The following TBX22 variants were observed in gnomAD, a reference collection of about 807,000 sequenced individuals.
TBX22 encodes the protein T-box transcription factor TBX22.
Under a neutral mutation model 30.1 loss-of-function variants are expected in TBX22, and 8 were observed. The observed-to-expected ratio is 0.27, with a 90% CI of 0.16 to 0.48. TBX22 has a LOEUF of 0.48. TBX22 is among the 20% of genes least tolerant of loss of function. TBX22 has a pLI of 0.99. For synonymous variants in TBX22, 173 were observed against 149.1 expected, an observed-to-expected ratio of 1.16 and a Z score of -1.17; for missense variants, 463 against 400.5, an observed-to-expected ratio of 1.16 and a Z score of -1.33.
chrX:80,023,224 A>C lies in TBX22; in HGVS notation c.340A>C (p.Ile114Leu). Residue 114 changes from isoleucine to leucine, a missense_variant, in exon 3 of 9, where the codon ATT (isoleucine) becomes CTT (leucine). Transcript: ENST00000373296. Reference sequence around the variant, plus strand: ...CCATGACATCGGGACTGAGATGATCATTACTAAAGCGGGCAGGTTCGGTTC... The same window carrying C: ...CCATGACATCGGGACTGAGATGATCCTTACTAAAGCGGGCAGGTTCGGTTC... ...RFHDIGTEMIITKAGRRMFPS... is the reference protein window; with the variant it reads ...RFHDIGTEMILTKAGRRMFPS... 1 of 1,211,725 alleles carries C rather than the reference A, an allele frequency of 8.3e-7. No homozygotes were observed. Among genetic ancestry groups the C allele is most frequent in the Non-Finnish European group, 1.1e-6 (1 of 895,430 alleles).
intron 3 of TBX22, 90 bp downstream of exon 3, chrX:80,023,330 G>C (rs1923816039): frequency 1.1e-6 from 1 of 885,684 alleles, no homozygotes; most frequent in African/African-American, 2.0e-5. Context: ...CCAGTTTTAT[G>C]CTCTGGTACT....
At chrX:80,024,414 TA>T (rs1217672360) in intron 4 of TBX22, among the ~76,000 whole-genome samples, 3 of 111,260 alleles carry the variant, frequency 2.7e-5, no homozygotes, top group Admixed American at 1.9e-4. Context: ...GGGCACTAAT[TA>T]GAACTCCAAA....
chrX:80,030,891 A>T lies in TBX22; in HGVS notation c.1343A>T (p.Gln448Leu), dbSNP rs1924220766. The T allele has an allele frequency of 5.0e-6, 6 of 1,210,444 alleles. No homozygotes were observed. Among genetic ancestry groups the T allele is most frequent in the Non-Finnish European group, 5.6e-6 (5 of 895,074 alleles). ...NSTNQMLYGLQSPGNIFLPNS... is the reference protein window; with the variant it reads ...NSTNQMLYGLLSPGNIFLPNS... ...ACCAATCAAATGTTATATGGATTAC[A>T]GTCACCTGGAAATATTTTTCTGCCA... Residue 448 changes from glutamine to leucine, a missense_variant, in exon 9 of 9, where the codon CAG becomes CTG. Transcript: ENST00000373296.
At chrX:80,024,536 A>ATTTTACTT (rs1923879275) in intron 4 of TBX22, among the ~76,000 whole-genome samples, 1 of 110,613 alleles carries the variant, frequency 9.0e-6, no homozygotes, top group African/African-American at 3.3e-5. Flanking sequence ...TGTGGGAGAA[A>ATTTTACTT]TCCCCAGGCT....
chrX:80,021,066 C>A (rs1923667119), intron 1 of TBX22, among the ~76,000 whole-genome samples: 1 of 109,510 alleles, frequency 9.1e-6, no homozygotes, highest in African/African-American at 3.4e-5. Context: ...CAAGTCTCTT[C>A]CTGAAAAAAA....
chrX:80,020,036 C>CA (rs1438328857), intron 1 of TBX22, among the ~76,000 whole-genome samples: 2 of 110,558 alleles, frequency 1.8e-5, no homozygotes, highest in Non-Finnish European at 3.8e-5. Context: ...TTTATTTTTA[C>CA]AAAAATCTAT....
chrX:80,025,135 C>T (rs572103973), intron 4 of TBX22, among the ~76,000 whole-genome samples: 1 of 111,828 alleles, frequency 8.9e-6, no homozygotes, highest in Non-Finnish European at 1.9e-5. Context: ...GTGTGAAAAT[C>T]GGCCAGAGGC....
intron 4 of TBX22, 76 bp downstream of exon 4, chrX:80,024,240 C>G: frequency 2.1e-6 from 2 of 952,193 alleles, no homozygotes; most frequent in South Asian, 2.0e-5. Flanking sequence ...TGAAACCTGA[C>G]AGCATGACTT....
intron 8 of TBX22, among the ~76,000 whole-genome samples, chrX:80,029,236 A>G (rs192558217): frequency 1.4e-4 from 16 of 112,307 alleles, no homozygotes; most frequent in Non-Finnish European, 2.4e-4. Flanking sequence ...GGATACGTCT[A>G]CATACACAAA....
In TBX22 at chrX:80,014,798, A is replaced by G. The variant is rs1229468486; in HGVS notation, c.-92A>G. The G allele has an allele frequency of 8.9e-6, 1 of 112,322 alleles. No individual in the cohort carries two copies. The highest frequency in any genetic ancestry group is 3.7e-4 in the South Asian group (1 of 2,716). 9.3% of individuals were successfully genotyped at this position (112,322 alleles called of 1,213,427 possible). On this transcript the variant is annotated 5_prime_UTR_variant, in exon 1 of 9. Coordinates refer to ENST00000373296, the MANE Select transcript of TBX22 (RefSeq NM_001109878.2). ...GAAGAGCTGCTGCAGGCATTTGCAG[A>G]GTGAATGAGCTCTGACTGAGACTTG...
At position 80,031,473 on chromosome X, in the gene TBX22, A is replaced by T. The variant is rs888459757; in HGVS notation, c.*362A>T. On this transcript the variant is annotated 3_prime_UTR_variant, in exon 9 of 9. Coordinates refer to ENST00000373296, the MANE Select transcript of TBX22 (RefSeq NM_001109878.2). The stretch of plus-strand genomic sequence containing the variant: ...ATTTTACACATTGACAATGACAAAA[A>T]GAAGATGGATGTAATTCTCATGAAA... 2 of 161,787 alleles carry T rather than the reference A, an allele frequency of 1.2e-5. No individual in the cohort carries two copies. The highest frequency in any genetic ancestry group is 6.1e-5 in the African/African-American group (2 of 32,577). 13.3% of individuals were successfully genotyped at this position (161,787 alleles called of 1,213,427 possible).
chrX:80,019,877 T>C (rs1923601660), intron 1 of TBX22, among the ~76,000 whole-genome samples: 1 of 111,611 alleles, frequency 9.0e-6, no homozygotes, highest in African/African-American at 3.3e-5. Flanking sequence ...ATGACTAAAT[T>C]ACATGCATGT....
At chrX:80,021,476 C>T (rs1384265794) in intron 1 of TBX22, among the ~76,000 whole-genome samples, 1 of 111,978 alleles carries the variant, frequency 8.9e-6, no homozygotes, top group Non-Finnish European at 1.9e-5. Flanking sequence ...GCTTGTACTC[C>T]TTTCTGTTTC....
rs778676899 is a variant in TBX22, at chrX:80,022,012, T to G, written c.-2-256T>G. 5.1e-5 allele frequency among the ~76,000 whole-genome samples: 5 copies of G among 98,919 alleles called. No individual in the cohort carries two copies. In the South Asian group the frequency reaches 2.4e-3, roughly 47 times the overall value. The allele number at this position is 98,919 out of a possible 115,157, so 85.9% of individuals were successfully genotyped here. A position where few individuals can be genotyped will look rare whatever the true frequency, so the allele number is the denominator to read the frequency against. ...TGTCTATTCAAACAAAAAATATATA[T>G]GTATATAAAAAAATTACACACACAC... On this transcript the variant is annotated intron_variant, in intron 1 of 8. Transcript: ENST00000373296.
At chrX:80,027,354 G>A (rs1371233289) in intron 7 of TBX22, 34 bp downstream of exon 7, 1 of 685,043 alleles carries the variant, frequency 1.5e-6, no homozygotes, top group South Asian at 2.4e-5. Flanking sequence ...TAATATTGAT[G>A]TAGCTAGCTA....
chrX:80,028,156 C>T, intron 8 of TBX22, 80 bp downstream of exon 8: 1 of 849,449 alleles, frequency 1.2e-6, no homozygotes, highest in South Asian at 2.1e-5. Flanking sequence ...CCAAATACTA[C>T]ACAAGGGGAT....
intron 8 of TBX22, 129 bp downstream of exon 8, chrX:80,028,205 G>T (rs966265533): frequency 2.0e-5 from 11 of 548,359 alleles, no homozygotes; most frequent in Non-Finnish European, 3.3e-5. Context: ...GGGTAACTGC[G>T]TGTACATTTG....
At position 80,028,057 on chromosome X, in the gene TBX22, C is replaced by A. The variant is rs144547282; in HGVS notation, c.930C>A (p.Thr310=). ...CTTCTTTCACTCTCGATTTTAAAAC[C>A]TTTGGCGCAGACACACAAAGTAAGA... ...WRPSFTLDFK[T]FGADTQSGSS... is the part of the protein sequence containing the mutation. The change falls in exon 8 of 9, where the codon ACC becomes ACA. Residue 310 remains threonine, a synonymous_variant. Transcript: ENST00000373296. 338 of 1,208,447 alleles carry A rather than the reference C, an allele frequency of 2.8e-4. 1 individual carries two copies. In the African/African-American group the frequency reaches 5.3e-3, roughly 19 times the overall value.
At chrX:80,016,531 A>T (rs895174286) in intron 1 of TBX22, among the ~76,000 whole-genome samples, 4 of 111,783 alleles carry the variant, frequency 3.6e-5, no homozygotes, top group Admixed American at 9.5e-5. Flanking sequence ...GATGCAATTA[A>T]CTTGGCATAT....
Sources: gnomAD v4.1 joint callset for allele counts (sites outside exome capture counted in the v4.1 genomes callset) on GRCh38, gnomAD v4.1.1 for gene constraint, MANE v1.5 for transcripts, NCBI Gene and HGNC (gene_info 2026-07-23, HGNC 2026-07-21) for gene names.